Variants in MARCHF11 observed in about 807,000 individuals in gnomAD.
MARCHF11 encodes E3 ubiquitin-protein ligase MARCHF11.
Under a neutral mutation model 37.3 loss-of-function variants are expected in MARCHF11, and 29 were observed. The ratio of observed to expected loss-of-function variants is 0.78; its 90% CI spans 0.58 to 1.06. MARCHF11 has a LOEUF of 1.06. Ranked by LOEUF, MARCHF11 falls within the 50% of genes least tolerant of loss-of-function variation. MARCHF11 has a pLI of 0.00. For synonymous variants in MARCHF11, 233 were observed against 228.0 expected, an observed-to-expected ratio of 1.02 and a Z score of -0.20; for missense variants, 482 against 533.4, an observed-to-expected ratio of 0.90 and a Z score of 0.95.
At chr5:16,132,187 G>A (rs148218431) in intron 2 of MARCHF11, among the ~76,000 whole-genome samples, 11 of 152,316 alleles carry the variant, frequency 7.2e-5, no homozygotes, top group African/African-American at 2.6e-4. Context: ...TACCAAATTA[G>A]ATATTCTCCA....
intron 2 of MARCHF11, among the ~76,000 whole-genome samples, chr5:16,160,176 T>C (rs1363941265): frequency 6.7e-6 from 1 of 149,410 alleles, no homozygotes; most frequent in African/African-American, 2.4e-5. Flanking sequence ...ATATCTAAAA[T>C]ATTTGATCAT....
intron 2 of MARCHF11, among the ~76,000 whole-genome samples, chr5:16,110,883 G>C (rs975028184): frequency 6.6e-6 from 1 of 152,142 alleles, no homozygotes; most frequent in African/African-American, 2.4e-5. Context: ...TTGTGGGAGG[G>C]ACCAGGTGAG....
intron 3 of MARCHF11, among the ~76,000 whole-genome samples, chr5:16,072,974 C>A (rs946386854): frequency 6.6e-6 from 1 of 152,202 alleles, no homozygotes; most frequent in Non-Finnish European, 1.5e-5. Flanking sequence ...GCTTAAATCA[C>A]AAACTCCAGA....
At chr5:16,069,645 T>G (rs1232582372) in intron 3 of MARCHF11, among the ~76,000 whole-genome samples, 1 of 151,940 alleles carries the variant, frequency 6.6e-6, no homozygotes, top group Non-Finnish European at 1.5e-5. Context: ...AATAAAGTAA[T>G]AAATTCCCAG....
intron 2 of MARCHF11, among the ~76,000 whole-genome samples, chr5:16,135,080 A>G (rs935261054): frequency 6.6e-6 from 1 of 151,650 alleles, no homozygotes; most frequent in Non-Finnish European, 1.5e-5. Flanking sequence ...GTTCCTGGCC[A>G]GCTCATTTTA....
chr5:16,069,612 T>C (rs1311806983), intron 3 of MARCHF11, among the ~76,000 whole-genome samples: 1 of 151,986 alleles, frequency 6.6e-6, no homozygotes, highest in Non-Finnish European at 1.5e-5. Flanking sequence ...AGAAGAGTGA[T>C]AGCAGTAAGG....
chr5:16,178,904 G>C (rs896007916), intron 1 of MARCHF11, 135 bp downstream of exon 1: 3 of 1,095,000 alleles, frequency 2.7e-6, no homozygotes, highest in Non-Finnish European at 3.6e-6. Context: ...TGGAGCCAGC[G>C]CTCACAGGGC....
chr5:16,113,830 G>A (rs531979186), intron 2 of MARCHF11, among the ~76,000 whole-genome samples: 20 of 152,156 alleles, frequency 1.3e-4, no homozygotes, highest in Non-Finnish European at 2.6e-4. Flanking sequence ...ATATATTGCT[G>A]TTAAGTACAG....
At chr5:16,116,688 T>C (rs1490435401) in intron 2 of MARCHF11, among the ~76,000 whole-genome samples, 2 of 151,610 alleles carry the variant, frequency 1.3e-5, no homozygotes, top group Non-Finnish European at 2.9e-5. Context: ...ATGATGGCAC[T>C]ACATTTTGGA....
chr5:16,072,060 C>T (rs190334499), intron 3 of MARCHF11, among the ~76,000 whole-genome samples: 4 of 152,140 alleles, frequency 2.6e-5, no homozygotes, highest in African/African-American at 4.8e-5. Flanking sequence ...CCCAGGTTTA[C>T]ACCATTCTCC....
At chr5:16,102,269 T>G (rs956290354) in intron 2 of MARCHF11, among the ~76,000 whole-genome samples, 1 of 152,132 alleles carries the variant, frequency 6.6e-6, no homozygotes, top group Non-Finnish European at 1.5e-5. Flanking sequence ...TTGCCTCAGT[T>G]CTTGGTTAAA....
At chr5:16,069,851 C>T (rs971662669) in intron 3 of MARCHF11, among the ~76,000 whole-genome samples, 2 of 152,126 alleles carry the variant, frequency 1.3e-5, no homozygotes, top group Non-Finnish European at 2.9e-5. Context: ...GGTGGTGATA[C>T]AGCTACCCAG....
chr5:16,163,936 G>C (rs1738128061), intron 2 of MARCHF11, among the ~76,000 whole-genome samples: 4 of 151,910 alleles, frequency 2.6e-5, no homozygotes, highest in Non-Finnish European at 4.4e-5. Flanking sequence ...TTTTGACTTT[G>C]GGTCCCTTCC....
chr5:16,134,998 T>TCTCTCA (rs137865822), intron 2 of MARCHF11, among the ~76,000 whole-genome samples: 25,117 of 143,514 alleles, frequency 0.18, 2,178 homozygotes, highest in South Asian at 0.27. Context: ...TCTCTCTCTC[T>TCTCTCA]CACACACACA....
At chr5:16,177,910 T>A (rs1430164764) in intron 1 of MARCHF11, 29 bp from the exon 2 acceptor site, 1 of 1,559,008 alleles carries the variant, frequency 6.4e-7, no homozygotes, top group Non-Finnish European at 8.7e-7. Flanking sequence ...AGTGTGAATA[T>A]CTGTGTCTGT....
chr5:16,071,409 C>T (rs372573319), intron 3 of MARCHF11, among the ~76,000 whole-genome samples: 1 of 152,258 alleles, frequency 6.6e-6, no homozygotes, highest in Admixed American at 6.5e-5. Flanking sequence ...GGACCATCAC[C>T]TTACTGAAGC....
chr5:16,138,856 T>C (rs931353376), intron 2 of MARCHF11, among the ~76,000 whole-genome samples: 1 of 152,162 alleles, frequency 6.6e-6, no homozygotes, highest in Non-Finnish European at 1.5e-5. Context: ...TGCAACCTCT[T>C]TGTTTTGGCC....
intron 1 of MARCHF11, 101 bp from the exon 2 acceptor site, chr5:16,177,982 C>G: frequency 2.7e-6 from 3 of 1,118,918 alleles, no homozygotes; most frequent in South Asian, 2.0e-5. Context: ...ACTCAGGATA[C>G]AGCATCAGGC....
At chr5:16,130,922 G>C (rs955969712) in intron 2 of MARCHF11, among the ~76,000 whole-genome samples, 1 of 151,998 alleles carries the variant, frequency 6.6e-6, no homozygotes, top group Non-Finnish European at 1.5e-5. Flanking sequence ...ATGCCTGAAG[G>C]CTCCTGTTAA....
Sources: gnomAD v4.1 joint callset for allele counts (sites outside exome capture counted in the v4.1 genomes callset) on GRCh38, gnomAD v4.1.1 for gene constraint, MANE v1.5 for transcripts, NCBI Gene and HGNC (gene_info 2026-07-23, HGNC 2026-07-21) for gene names.